Variants in OR5D3 observed in about 807,000 individuals in gnomAD.
OR5D3 encodes the protein olfactory receptor 5D3.
chr11:55,726,557 T>C, the OR5D3 span: 1 of 408,952 alleles, frequency 2.4e-6, no homozygotes, highest in Non-Finnish European at 4.4e-6. Context: ...ACATTCATGC[T>C]GGCAGCGATG....
chr11:55,729,474 A>C, the OR5D3 span: 2 of 152,058 alleles, frequency 1.3e-5, no homozygotes, highest in East Asian at 3.8e-4. Context: ...TGGATTAACA[A>C]CTATAAAAAT....
At chr11:55,728,967 T>C in the OR5D3 span, 2 of 152,054 alleles carry the variant, frequency 1.3e-5, no homozygotes, top group Admixed American at 6.6e-5. Context: ...TCGCAGAATA[T>C]TTAGTATATT....
the OR5D3 span, among the ~76,000 whole-genome samples, chr11:55,724,555 A>G: frequency 6.6e-6 from 1 of 152,104 alleles, no homozygotes; most frequent in Non-Finnish European, 1.5e-5. Flanking sequence ...TGTGCTTTAT[A>G]ATAACTTGAT....
chr11:55,724,057 G>A, the OR5D3 span: 2 of 396,584 alleles, frequency 5.0e-6, no homozygotes, highest in Non-Finnish European at 8.9e-6. Flanking sequence ...GTATTTAGGT[G>A]AGTTGATTTA....
the OR5D3 span, chr11:55,726,336 G>T: frequency 2.2e-6 from 1 of 457,004 alleles, no homozygotes. Context: ...CTGTGATGGG[G>T]AATCTGGGCA....
At chr11:55,729,588 G>C in the OR5D3 span, 3 of 151,930 alleles carry the variant, frequency 2.0e-5, no homozygotes, top group Non-Finnish European at 4.4e-5. Context: ...ATCATTACGT[G>C]ATTATATTAC....
the OR5D3 span, chr11:55,726,910 G>T: frequency 1.3e-5 from 5 of 399,134 alleles, no homozygotes; most frequent in African/African-American, 8.3e-5. Context: ...TTCCACTGGG[G>T]GGCGCAAGAA....
the OR5D3 span, chr11:55,726,260 G>T: frequency 7.4e-5 from 30 of 404,544 alleles, no homozygotes; most frequent in Admixed American, 1.3e-3. Context: ...ATCCTCTTGG[G>T]CTTCTCAGAA....
At chr11:55,726,363 G>C in the OR5D3 span, 1 of 469,260 alleles carries the variant, frequency 2.1e-6, no homozygotes, top group Non-Finnish European at 3.9e-6. Flanking sequence ...TGGTCATCAG[G>C]ATCAACCCCA....
At chr11:55,726,933 G>A in the OR5D3 span, 1 of 399,522 alleles carries the variant, frequency 2.5e-6, no homozygotes. Context: ...CGTTCTCCAC[G>A]TGTGCCTCCC....
chr11:55,729,156 G>T, the OR5D3 span: 1 of 151,898 alleles, frequency 6.6e-6, no homozygotes, highest in Non-Finnish European at 1.5e-5. Flanking sequence ...TAAATGGGCA[G>T]TTTACACAAA....
chr11:55,723,826 G>A, the OR5D3 span: 3 of 359,372 alleles, frequency 8.3e-6, no homozygotes, highest in Non-Finnish European at 1.5e-5. Context: ...TTGGTGCTAG[G>A]ACTTAGTTTC....
the OR5D3 span, among the ~76,000 whole-genome samples, chr11:55,724,758 A>G: frequency 1.3e-5 from 2 of 152,052 alleles, no homozygotes; most frequent in East Asian, 3.9e-4. Context: ...GATGTTGCAA[A>G]GGACATTTCA....
chr11:55,728,516 A>G, the OR5D3 span: 1 of 152,098 alleles, frequency 6.6e-6, no homozygotes, highest in South Asian at 2.1e-4. Context: ...TGCCTTAACC[A>G]AATGGCTGGT....
At chr11:55,728,782 A>G in the OR5D3 span, 7 of 151,096 alleles carry the variant, frequency 4.6e-5, no homozygotes, top group Non-Finnish European at 8.9e-5. Context: ...CAACACTTAC[A>G]GAATACAGCA....
chr11:55,727,220 T>C, the OR5D3 span: 1 of 397,426 alleles, frequency 2.5e-6, no homozygotes, highest in East Asian at 3.6e-5. Flanking sequence ...TAACTAGTCA[T>C]TGCATGAAAT....
the OR5D3 span, chr11:55,729,060 C>A: frequency 4.0e-5 from 6 of 151,776 alleles, no homozygotes; most frequent in South Asian, 1.0e-3. Context: ...TGGTAGGTTT[C>A]TTTTAGTACA....
chr11:55,727,519 T>C, the OR5D3 span: 1 of 154,838 alleles, frequency 6.5e-6, no homozygotes, highest in Non-Finnish European at 1.4e-5. Context: ...ATTACTATGA[T>C]AAGAGCTGTT....
chr11:55,724,207 G>C, the OR5D3 span, among the ~76,000 whole-genome samples: 1 of 151,734 alleles, frequency 6.6e-6, no homozygotes, highest in East Asian at 1.9e-4. Flanking sequence ...GTTATATCCT[G>C]ATTCCTTCTC....
Sources: gnomAD v4.1 joint callset for allele counts (sites outside exome capture counted in the v4.1 genomes callset) on GRCh38, gnomAD v4.1.1 for gene constraint, MANE v1.5 for transcripts, NCBI Gene and HGNC (gene_info 2026-07-23, HGNC 2026-07-21) for gene names.